RTN4: variants seen among roughly 807,000 people sequenced by gnomAD.
RTN4 encodes the protein reticulon-4.
In RTN4, 32 loss-of-function variants were observed where a neutral mutation model predicts 90.4. That is an observed-to-expected ratio of 0.35 (90% CI 0.27 to 0.48). The LOEUF is 0.48. Among genes scored for constraint, RTN4 ranks in the 20% least tolerant of loss-of-function variants. The pLI is 0.99. For synonymous variants in RTN4, 629 were observed against 552.5 expected, an observed-to-expected ratio of 1.14 and a Z score of -1.94; for missense variants, 1,706 against 1,430.2, an observed-to-expected ratio of 1.19 and a Z score of -3.11.
At chr2:55,129,473 AG>A in the RTN4 span, among the ~76,000 whole-genome samples, 1 of 152,132 alleles carries the variant, frequency 6.6e-6, no homozygotes, top group South Asian at 2.1e-4. Context: ...CCAGCTACTC[AG>A]GAGGTTGAGA....
In RTN4 at chr2:54,994,966, C is replaced by T. The variant is rs139023889; in HGVS notation, c.3014-7268G>A. Reference sequence around the variant, plus strand: ...ACATCATCATATTCTAAATAAAGGTCGGGCGCAGTGGCTCACGCCTGTAAT... The same window carrying T: ...ACATCATCATATTCTAAATAAAGGTTGGGCGCAGTGGCTCACGCCTGTAAT... On this transcript the variant is annotated intron_variant, in intron 3 of 8. Transcript: ENST00000337526. 9.4e-4 allele frequency among the ~76,000 whole-genome samples: 143 copies of T among 152,262 alleles called. 1 individual carries two copies. Among genetic ancestry groups the T allele is most frequent in the African/African-American group, 3.1e-3 (130 of 41,552 alleles).
chr2:55,098,571 T>C (rs1667794131), intron 1 of RTN4, among the ~76,000 whole-genome samples: 1 of 152,046 alleles, frequency 6.6e-6, no homozygotes, highest in Non-Finnish European at 1.5e-5. Context: ...TTTAAAACCA[T>C]AATATTATCA....
At chr2:55,070,846 G>A (rs1029121525) in intron 2 of RTN4, among the ~76,000 whole-genome samples, 16 of 151,294 alleles carry the variant, frequency 1.1e-4, no homozygotes, top group African/African-American at 3.9e-4. Flanking sequence ...GTGCGATCTC[G>A]GCTCACTGCA....
intron 4 of RTN4, among the ~76,000 whole-genome samples, chr2:54,983,351 AT>A (rs1678300227): frequency 6.6e-6 from 1 of 151,900 alleles, no homozygotes; most frequent in Admixed American, 6.6e-5. Flanking sequence ...AAATAAATAA[AT>A]AAAAATACTA....
At position 55,025,443 on chromosome 2, in the gene RTN4, C is replaced by T. The variant is rs781704887; in HGVS notation, c.2656G>A (p.Ala886Thr). 4 of 1,613,776 alleles carry T rather than the reference C, an allele frequency of 2.5e-6. No individual in the cohort carries two copies. In the East Asian group the frequency reaches 8.9e-5, roughly 36 times the overall value. Residue 886 changes from alanine (A) to threonine (T), a missense_variant, in exon 3 of 9, where the codon GCC (alanine) becomes ACC (threonine). Coordinates refer to ENST00000337526, the MANE Select transcript of RTN4 (RefSeq NM_020532.5). ...SSKTDSFSKLAREYTDLEVSH... is the reference protein window; with the variant it reads ...SSKTDSFSKLTREYTDLEVSH... ...ACTTCTAGGTCAGTATATTCCCTGG[C>T]TAATTTAGAAAATGAATCAGTTTTA...
At chr2:55,027,635 G>A in intron 2 of RTN4, 150 bp from the exon 3 acceptor site, 1 of 756,400 alleles carries the variant, frequency 1.3e-6, no homozygotes, top group Non-Finnish European at 2.1e-6. Context: ...CAATAGAGTA[G>A]ACTTCAATCA....
At chr2:55,041,057 ATATT>A (rs1683041351) in intron 1 of RTN4, among the ~76,000 whole-genome samples, 2 of 150,966 alleles carry the variant, frequency 1.3e-5, no homozygotes, top group African/African-American at 4.9e-5. Flanking sequence ...AGTACAGAGA[ATATT>A]TCTTTCTTTC....
intron 3 of RTN4, among the ~76,000 whole-genome samples, chr2:55,011,162 G>A (rs2104792835): frequency 6.6e-6 from 1 of 152,102 alleles, no homozygotes; most frequent in Admixed American, 6.5e-5. Context: ...AGTCACCACA[G>A]GCATGTGCCA....
At chr2:55,101,166 C>A (rs1573517609) in intron 1 of RTN4, among the ~76,000 whole-genome samples, 1 of 151,894 alleles carries the variant, frequency 6.6e-6, no homozygotes, top group Non-Finnish European at 1.5e-5. Flanking sequence ...TTGGCATATG[C>A]ATAGAAAAAA....
At chr2:55,083,298 C>T (rs1291515215) in intron 1 of RTN4, among the ~76,000 whole-genome samples, 2 of 152,186 alleles carry the variant, frequency 1.3e-5, no homozygotes, top group African/African-American at 4.8e-5. Context: ...AAGTTTGAGA[C>T]CAGCCTGGCC....
the RTN4 span, among the ~76,000 whole-genome samples, chr2:55,131,828 G>A: frequency 6.6e-6 from 1 of 152,122 alleles, no homozygotes; most frequent in Non-Finnish European, 1.5e-5. Context: ...AGGTTGCAGT[G>A]AGCCAAGATG....
intron 2 of RTN4, among the ~76,000 whole-genome samples, chr2:55,080,227 A>G (rs368335633): frequency 6.6e-6 from 1 of 151,912 alleles, no homozygotes; most frequent in African/African-American, 2.4e-5. Context: ...CATGTCACCC[A>G]CGCTGGTCTT....
chr2:55,130,566 C>CA, the RTN4 span, among the ~76,000 whole-genome samples: 2 of 152,044 alleles, frequency 1.3e-5, no homozygotes, highest in African/African-American at 4.8e-5. Context: ...GCCGGAACAA[C>CA]AAAAAATACA....
chr2:55,094,407 C>T (rs376585635), intron 1 of RTN4, among the ~76,000 whole-genome samples: 4 of 152,196 alleles, frequency 2.6e-5, no homozygotes, highest in African/African-American at 9.6e-5. Flanking sequence ...GAGTGTTTTA[C>T]ATGAATTAAT....
chr2:55,115,198 A>T (rs987337979), upstream of RTN4, among the ~76,000 whole-genome samples: 1 of 152,364 alleles, frequency 6.6e-6, no homozygotes, highest in South Asian at 2.1e-4. Context: ...GAAGTCTGAC[A>T]TGAATCTTAC....
At chr2:55,009,742 T>C (rs1680495218) in intron 3 of RTN4, among the ~76,000 whole-genome samples, 1 of 152,190 alleles carries the variant, frequency 6.6e-6, no homozygotes, top group Non-Finnish European at 1.5e-5. Flanking sequence ...GGAAAATATG[T>C]CACTGTGAAA....
chr2:55,068,678 A>AGG (rs753135042), intron 2 of RTN4, among the ~76,000 whole-genome samples: 74 of 50,380 alleles, frequency 1.5e-3, no homozygotes, highest in East Asian at 5.6e-3. Flanking sequence ...ACAAAAAAAA[A>AGG]GGGGGGGGGG....
rs181678728 is a variant in RTN4, at chr2:55,036,034, T to A, written c.557-7814A>T. On this transcript the variant is annotated intron_variant, in intron 1 of 8. Coordinates refer to ENST00000337526, the MANE Select transcript of RTN4 (RefSeq NM_020532.5). ...AAGAAAACTAATATAAAACATCTAA[T>A]GAATAGTACCAACCTTACACAAACT... 2.2e-3 allele frequency among the ~76,000 whole-genome samples: 336 copies of A among 152,224 alleles called. 3 individuals carry two copies. Among genetic ancestry groups the A allele is most frequent in the Non-Finnish European group, 4.2e-3 (283 of 68,016 alleles).
At position 54,973,065 on chromosome 2, in the gene RTN4, C is replaced by T. The variant is rs199709210; in HGVS notation, c.*91G>A. The T allele has an allele frequency of 5.1e-5, 53 of 1,037,972 alleles. No individual in the cohort carries two copies. Among genetic ancestry groups the T allele is most frequent in the Middle Eastern group, 4.1e-4 (2 of 4,924 alleles). The allele number at this position is 1,037,972 out of a possible 1,614,324, so 64.3% of individuals were successfully genotyped here. A position where few individuals can be genotyped will look rare whatever the true frequency, so the allele number is the denominator to read the frequency against. Reference sequence around the variant, plus strand: ...AACGATCTGTGAAACTGCACTGCAACGTCAAGGTTCGTTCTTCCCTGACCC... The same window carrying T: ...AACGATCTGTGAAACTGCACTGCAATGTCAAGGTTCGTTCTTCCCTGACCC... On this transcript the variant is annotated 3_prime_UTR_variant, in exon 9 of 9. Coordinates refer to ENST00000337526, the MANE Select transcript of RTN4 (RefSeq NM_020532.5).
Sources: allele counts gnomAD v4.1 joint callset (sites outside exome capture counted in the v4.1 genomes callset), GRCh38; gene constraint gnomAD v4.1.1; transcripts MANE v1.5; gene names NCBI Gene and HGNC (gene_info 2026-07-23, HGNC 2026-07-21).